GAB1: variants seen among roughly 807,000 people sequenced by gnomAD.
GAB1 encodes the protein GRB2-associated-binding protein 1.
A neutral mutation model predicts 66.5 loss-of-function variants in GAB1; 19 were observed. The ratio of observed to expected loss-of-function variants is 0.29; its 90% CI spans 0.20 to 0.42. The LOEUF (loss-of-function observed/expected upper bound fraction) is 0.42. Among genes scored for constraint, GAB1 ranks in the 10% least tolerant of loss-of-function variants. The pLI, the probability that GAB1 is intolerant of heterozygous loss-of-function variation, is 1.00. For missense variants in GAB1, 732 were observed against 858.5 expected (o/e 0.85, Z 1.84); for synonymous variants, 294 against 301.4 (o/e 0.98, Z 0.25).
At chr4:143,355,829 C>G (rs1200706078) in intron 1 of GAB1, among the ~76,000 whole-genome samples, 1 of 152,054 alleles carries the variant, frequency 6.6e-6, no homozygotes, top group Non-Finnish European at 1.5e-5. Context: ...AGAGTGTAAT[C>G]TCATTTATAC....
At chr4:143,468,267 T>C (rs1735903601) in intron 9 of GAB1, among the ~76,000 whole-genome samples, 1 of 142,630 alleles carries the variant, frequency 7.0e-6, no homozygotes, top group African/African-American at 2.7e-5. Flanking sequence ...CAGGCTGCAG[T>C]GCAGTGGCAC....
At chr4:143,462,421 G>A (rs906235299) in intron 8 of GAB1, among the ~76,000 whole-genome samples, 23 of 151,822 alleles carry the variant, frequency 1.5e-4, no homozygotes, top group African/African-American at 4.4e-4. Flanking sequence ...GTGTCTTTTT[G>A]CCCAAAATAG....
rs1362083169 is a variant in GAB1, at chr4:143,470,242, A to G, written c.*1053A>G. On this transcript the variant is annotated 3_prime_UTR_variant, in exon 10 of 10. Transcript: ENST00000262994. ...CCCTTTCTATGATTTTTTTTACTTA[A>G]TATTCTTCTTGGCCTTATATTTAAT... The G allele has an allele frequency of 2.6e-5, 4 of 151,984 alleles. No individual in the cohort carries two copies. The highest frequency in any genetic ancestry group is 9.7e-5 in the African/African-American group (4 of 41,354). The allele number at this position is 151,984 out of a possible 1,614,324, so 9.4% of individuals were successfully genotyped here.
At chr4:143,343,711 C>T (rs1383434562) in intron 1 of GAB1, among the ~76,000 whole-genome samples, 2 of 152,086 alleles carry the variant, frequency 1.3e-5, no homozygotes, top group African/African-American at 4.8e-5. Flanking sequence ...GGGAAGACTC[C>T]GCAAATGAAT....
chr4:143,367,552 CT>C (rs33926534), intron 1 of GAB1, among the ~76,000 whole-genome samples: 61,960 of 140,976 alleles, frequency 0.44, 13,369 homozygotes, highest in African/African-American at 0.56. Context: ...TAAATGTTTG[CT>C]TTTTTTTTTT....
chr4:143,336,943 C>A lies in GAB1; in HGVS notation c.-246C>A, dbSNP rs915711438. The A allele has an allele frequency of 8.4e-6, 4 of 476,724 alleles. No individual in the cohort carries two copies. Among genetic ancestry groups the A allele is most frequent in the African/African-American group, 2.1e-5 (1 of 48,116 alleles). 29.5% of individuals were successfully genotyped at this position (476,724 alleles called of 1,614,324 possible). A position where few individuals can be genotyped will look rare whatever the true frequency, so the allele number is the denominator to read the frequency against. ...ACGGCACGTCTGGAGGCGAGGCGGGCGCACTGAAAGGAGGCCGGCGCGCCC... is the reference window on the plus strand; with the variant it reads ...ACGGCACGTCTGGAGGCGAGGCGGGAGCACTGAAAGGAGGCCGGCGCGCCC... On this transcript the variant is annotated 5_prime_UTR_variant, in exon 1 of 10. Transcript: ENST00000262994.
chr4:143,412,120 G>A (rs1732423473), intron 1 of GAB1, among the ~76,000 whole-genome samples: 1 of 152,108 alleles, frequency 6.6e-6, no homozygotes, highest in African/African-American at 2.4e-5. Context: ...TAGTTCCTAA[G>A]GGCTTTTTGA....
At chr4:143,457,713 A>G (rs754037162) in intron 6 of GAB1, 6 of 1,569,682 alleles carry the variant, frequency 3.8e-6, no homozygotes, top group African/African-American at 1.4e-5. Context: ...CTCAAACCCC[A>G]TGGTTTAGAG....
chr4:143,337,346 G>A (rs1051192280), intron 1 of GAB1, 86 bp downstream of exon 1: 11 of 1,146,348 alleles, frequency 9.6e-6, no homozygotes, highest in Admixed American at 4.1e-5. Context: ...AGCTGGCCGC[G>A]CGCGGGGCTG....
intron 1 of GAB1, among the ~76,000 whole-genome samples, chr4:143,405,709 A>C (rs1732008046): frequency 6.6e-6 from 1 of 152,194 alleles, no homozygotes; most frequent in South Asian, 2.1e-4. Flanking sequence ...GGAGGAAAGC[A>C]GTTGTACAAA....
intron 1 of GAB1, chr4:143,349,486 G>A (rs1729106598): frequency 2.0e-6 from 3 of 1,518,564 alleles, no homozygotes; most frequent in African/African-American, 1.4e-5. Context: ...CTGGGCTGGG[G>A]TGTAGCAGTC....
chr4:143,364,227 CTCTG>C (rs1199952510), intron 1 of GAB1, among the ~76,000 whole-genome samples: 5 of 151,530 alleles, frequency 3.3e-5, no homozygotes, highest in Non-Finnish European at 7.4e-5. Context: ...GATTCATTCT[CTCTG>C]TCTGTTATTT....
At chr4:143,465,412 C>G (rs981011114) in intron 8 of GAB1, among the ~76,000 whole-genome samples, 11 of 152,154 alleles carry the variant, frequency 7.2e-5, no homozygotes, top group African/African-American at 2.2e-4. Context: ...TCACTCTGCT[C>G]TCTTTAAAAT....
chr4:143,347,520 G>T (rs921037983), intron 1 of GAB1, among the ~76,000 whole-genome samples: 1 of 152,190 alleles, frequency 6.6e-6, no homozygotes, highest in African/African-American at 2.4e-5. Flanking sequence ...TTAACCAGTT[G>T]TTCTGTTGGG....
chr4:143,366,382 A>C (rs1282788646), intron 1 of GAB1, among the ~76,000 whole-genome samples: 1 of 152,332 alleles, frequency 6.6e-6, no homozygotes, highest in Middle Eastern at 3.4e-3. Flanking sequence ...GGAACAAACC[A>C]TTTAATTCTA....
intron 1 of GAB1, among the ~76,000 whole-genome samples, chr4:143,398,872 C>G (rs963315318): frequency 6.6e-6 from 1 of 151,676 alleles, no homozygotes; most frequent in African/African-American, 2.4e-5. Context: ...CCAACCTAGG[C>G]AACATGAGGA....
At chr4:143,454,031 CTGAT>C (rs1256433278) in intron 6 of GAB1, among the ~76,000 whole-genome samples, 4 of 152,188 alleles carry the variant, frequency 2.6e-5, no homozygotes, top group African/African-American at 9.6e-5. Flanking sequence ...ATTAAAGTCA[CTGAT>C]TGATAAAGCA....
chr4:143,445,617 G>A (rs1176624937), intron 6 of GAB1, among the ~76,000 whole-genome samples: 2 of 151,984 alleles, frequency 1.3e-5, no homozygotes, highest in Admixed American at 1.3e-4. Flanking sequence ...TCAATTTCCG[G>A]TTTGTTGCAA....
At chr4:143,383,287 A>G (rs1730734348) in intron 1 of GAB1, among the ~76,000 whole-genome samples, 2 of 152,214 alleles carry the variant, frequency 1.3e-5, no homozygotes, top group Admixed American at 6.5e-5. Context: ...CTTGACATGC[A>G]GTTTAAAATG....
Sources: gnomAD v4.1 joint callset for allele counts (sites outside exome capture counted in the v4.1 genomes callset) on GRCh38, gnomAD v4.1.1 for gene constraint, MANE v1.5 for transcripts, NCBI Gene and HGNC (gene_info 2026-07-23, HGNC 2026-07-21) for gene names.